SRGAP2B: variants seen among roughly 807,000 people sequenced by gnomAD.
SRGAP2B encodes the protein SLIT-ROBO Rho GTPase activating protein 2B, also known as SLIT-ROBO Rho GTPase-activating protein 2B.
Under a neutral mutation model 22.2 loss-of-function variants are expected in SRGAP2B, and 9 were observed. The ratio of observed to expected loss-of-function variants is 0.41; its 90% CI spans 0.24 to 0.71. SRGAP2B has a LOEUF of 0.71. Ranked by LOEUF, SRGAP2B falls within the 30% of genes least tolerant of loss-of-function variation. The pLI, the probability that SRGAP2B is intolerant of heterozygous loss-of-function variation, is 0.35. For synonymous variants in SRGAP2B, 36 were observed against 87.4 expected, an observed-to-expected ratio of 0.41 and a Z score of 3.28; for missense variants, 114 against 235.8, an observed-to-expected ratio of 0.48 and a Z score of 3.38.
chr1:145,006,666 A>G (rs1320011629), intron 2 of SRGAP2B, among the ~76,000 whole-genome samples: 4 of 150,996 alleles, frequency 2.6e-5, no homozygotes, highest in African/African-American at 7.4e-5. Context: ...CTGGTTTGTT[A>G]TAAGAACTGA....
At chr1:145,017,220 G>A (rs10794682) in intron 2 of SRGAP2B, among the ~76,000 whole-genome samples, 7 of 148,032 alleles carry the variant, frequency 4.7e-5, no homozygotes, top group South Asian at 2.1e-4. Context: ...ATGAGCCACC[G>A]CACCCAGTCT....
chr1:144,940,682 A>T (rs1349856409), intron 4 of SRGAP2B, among the ~76,000 whole-genome samples: 1 of 148,340 alleles, frequency 6.7e-6, no homozygotes, highest in Non-Finnish European at 1.5e-5. Context: ...CCACGCCTGT[A>T]ATCCCGGCTA....
chr1:144,971,592 G>T (rs1668531037), intron 3 of SRGAP2B, among the ~76,000 whole-genome samples: 1 of 150,860 alleles, frequency 6.6e-6, no homozygotes. Flanking sequence ...ACCTCACCTG[G>T]CCAGGAATAC....
chr1:144,994,567 T>TGAGAGAGA (rs56165682), intron 3 of SRGAP2B, among the ~76,000 whole-genome samples: 3 of 122,430 alleles, frequency 2.5e-5, no homozygotes, highest in Non-Finnish European at 3.3e-5. Flanking sequence ...TGTGTGTGTG[T>TGAGAGAGA]GAGAGAGAGA....
chr1:144,943,068 C>A (rs1191282875), intron 4 of SRGAP2B, among the ~76,000 whole-genome samples: 1 of 129,366 alleles, frequency 7.7e-6, no homozygotes, highest in Non-Finnish European at 1.6e-5. Context: ...TCCACTTGGA[C>A]CTTTAGAACC....
chr1:144,952,548 G>A (rs1277931648), intron 4 of SRGAP2B, among the ~76,000 whole-genome samples: 1 of 150,014 alleles, frequency 6.7e-6, no homozygotes, highest in African/African-American at 2.5e-5. Flanking sequence ...TGCCCAGGCT[G>A]GAGTGCAGTG....
intron 4 of SRGAP2B, among the ~76,000 whole-genome samples, chr1:144,915,662 G>A (rs1431873971): frequency 6.6e-6 from 1 of 151,202 alleles, no homozygotes; most frequent in Non-Finnish European, 1.5e-5. Flanking sequence ...GAAGGTGGAG[G>A]TTGCAGTGAG....
At chr1:144,985,606 G>A (rs2319650) in intron 3 of SRGAP2B, among the ~76,000 whole-genome samples, 3 of 145,122 alleles carry the variant, frequency 2.1e-5, no homozygotes, top group Admixed American at 6.9e-5. Flanking sequence ...GCTCAGCAAC[G>A]CATAGGAATA....
chr1:144,963,685 C>T (rs1667846168), intron 3 of SRGAP2B, among the ~76,000 whole-genome samples: 1 of 151,200 alleles, frequency 6.6e-6, no homozygotes, highest in African/African-American at 2.4e-5. Flanking sequence ...GACAGTCTGG[C>T]TCACCCCTGG....
chr1:144,998,469 C>G (rs1254496530), intron 2 of SRGAP2B, among the ~76,000 whole-genome samples: 2 of 141,552 alleles, frequency 1.4e-5, no homozygotes, highest in Non-Finnish European at 3.0e-5. Flanking sequence ...AAAAAAGAGG[C>G]TCTGTTAATA....
At chr1:145,039,458 G>A (rs1198989752) in intron 2 of SRGAP2B, among the ~76,000 whole-genome samples, 3 of 143,508 alleles carry the variant, frequency 2.1e-5, no homozygotes, top group Non-Finnish European at 3.1e-5. Context: ...CTGGGTGACA[G>A]GATGAGACCC....
intron 3 of SRGAP2B, among the ~76,000 whole-genome samples, chr1:144,993,648 G>A (rs1254537709): frequency 6.7e-6 from 1 of 148,900 alleles, no homozygotes; most frequent in African/African-American, 2.6e-5. Context: ...AGAGTTTGAG[G>A]CTGCAGGGAG....
At position 144,987,877 on chromosome 1, in the gene SRGAP2B, T is replaced by C. The variant is rs373696866; in HGVS notation, c.260+7131A>G. Among the ~76,000 whole-genome samples the C allele has an allele frequency of 5.3e-5, 8 of 151,034 alleles. 1 individual carries two copies. In the South Asian group the frequency reaches 1.5e-3, roughly 28 times the overall value. On this transcript the variant is annotated intron_variant, in intron 3 of 9. Coordinates refer to ENST00000612199, the Ensembl canonical transcript of SRGAP2B. The stretch of plus-strand genomic sequence containing the variant: ...CTGTTACTAATGTTGCATTGAGGCA[T>C]TGAGAAGTAGAGGTCTCATCACTGT...
rs1666365845 is a variant in SRGAP2B at position 144,944,795 on chromosome 1, T to TC, written c.423+10643dup. Among the ~76,000 whole-genome samples, 5 of 140,390 alleles carry TC rather than the reference T, an allele frequency of 3.6e-5. No homozygotes were observed. The South Asian group carries it at 9.2e-4, about 26-fold the overall frequency. 92.1% of individuals were successfully genotyped at this position (140,390 alleles called of 152,430 possible). On this transcript the variant is annotated intron_variant, in intron 4 of 9. Transcript: ENST00000612199. ...GGCACAATCTCAGCTCACTGCAAAC[T>TC]CCACCTTCTGGGTTCAAGTGATTCT...
intron 1 of SRGAP2B, among the ~76,000 whole-genome samples, chr1:145,093,915 T>G (rs1203848212): frequency 6.7e-6 from 1 of 148,404 alleles, no homozygotes; most frequent in Non-Finnish European, 1.5e-5. Flanking sequence ...AGTTGTTTTG[T>G]TTTTGGTTAC....
intron 2 of SRGAP2B, among the ~76,000 whole-genome samples, chr1:145,068,823 CA>C (rs587737633): frequency 5.5e-5 from 8 of 145,482 alleles, no homozygotes; most frequent in Admixed American, 5.5e-4. Context: ...AGGCATAAAT[CA>C]GCTATTTAAA....
chr1:144,934,335 C>CG (rs1665457276), intron 4 of SRGAP2B, among the ~76,000 whole-genome samples: 1 of 128,180 alleles, frequency 7.8e-6, no homozygotes, highest in Non-Finnish European at 1.6e-5. Flanking sequence ...ACCTGGGAGG[C>CG]GGGGGTTACA....
intron 2 of SRGAP2B, among the ~76,000 whole-genome samples, chr1:145,030,670 G>T: frequency 1.4e-5 from 1 of 73,754 alleles, no homozygotes; most frequent in Non-Finnish European, 2.2e-5. Context: ...CCTGCACATT[G>T]TGCATATGTA....
At chr1:145,067,036 C>G (rs1366143186) in intron 2 of SRGAP2B, among the ~76,000 whole-genome samples, 1 of 149,070 alleles carries the variant, frequency 6.7e-6, no homozygotes, top group Non-Finnish European at 1.5e-5. Context: ...CATCTGTACT[C>G]CCGACACTTT....
Sources: allele counts gnomAD v4.1 joint callset (sites outside exome capture counted in the v4.1 genomes callset), GRCh38; gene constraint gnomAD v4.1.1; transcripts MANE v1.5; gene names NCBI Gene and HGNC (gene_info 2026-07-23, HGNC 2026-07-21).